GRID2: variants seen among roughly 807,000 people sequenced by gnomAD.
The protein encoded by GRID2 is glutamate ionotropic receptor delta type subunit 2, also known as glutamate receptor ionotropic, delta-2.
Under a neutral mutation model 114.8 loss-of-function variants are expected in GRID2, and 33 were observed. The ratio of observed to expected loss-of-function variants is 0.29; its 90% CI spans 0.22 to 0.38. GRID2 has a LOEUF of 0.38. GRID2 is among the 10% of genes least tolerant of loss of function. The pLI is 1.00. For synonymous variants in GRID2, 505 were observed against 449.9 expected, an observed-to-expected ratio of 1.12 and a Z score of -1.55; for missense variants, 1,184 against 1,257.7, an observed-to-expected ratio of 0.94 and a Z score of 0.89.
chr4:93,283,343 G>A (rs567459422), intron 8 of GRID2, among the ~76,000 whole-genome samples: 1 of 152,044 alleles, frequency 6.6e-6, no homozygotes, highest in Admixed American at 6.6e-5. Context: ...AATGAAACTT[G>A]TTTTCTTTCT....
chr4:92,729,928 A>G (rs1229151822), intron 2 of GRID2, among the ~76,000 whole-genome samples: 1 of 152,040 alleles, frequency 6.6e-6, no homozygotes, highest in Admixed American at 6.6e-5. Flanking sequence ...CAAAGCAAGC[A>G]AAGAGAAAGC....
intron 2 of GRID2, among the ~76,000 whole-genome samples, chr4:92,827,690 T>C (rs1741821135): frequency 6.6e-6 from 1 of 152,004 alleles, no homozygotes; most frequent in South Asian, 2.1e-4. Flanking sequence ...CTTAAGAGGG[T>C]ACAAAGCAGT....
At chr4:93,733,529 A>C (rs1222786518) in intron 14 of GRID2, among the ~76,000 whole-genome samples, 1 of 152,154 alleles carries the variant, frequency 6.6e-6, no homozygotes, top group African/African-American at 2.4e-5. Context: ...GAATGGAAAT[A>C]ATAGGCATTC....
chr4:92,923,977 TAGCAA>T (rs1749592990), intron 2 of GRID2, among the ~76,000 whole-genome samples: 1 of 152,100 alleles, frequency 6.6e-6, no homozygotes, highest in African/African-American at 2.4e-5. Flanking sequence ...CTATTCACAA[TAGCAA>T]AGACTTGGAA....
intron 8 of GRID2, among the ~76,000 whole-genome samples, chr4:93,277,861 A>G (rs926867505): frequency 1.3e-5 from 2 of 151,988 alleles, no homozygotes; most frequent in African/African-American, 4.8e-5. Context: ...GAATGAATGA[A>G]CAGAGGGAAC....
At chr4:93,120,142 T>A (rs909799020) in intron 4 of GRID2, among the ~76,000 whole-genome samples, 6 of 152,176 alleles carry the variant, frequency 3.9e-5, no homozygotes, top group African/African-American at 1.4e-4. Context: ...TTTACACTGT[T>A]TGTGGGAGTG....
At chr4:92,682,682 GCACACACACACACACACACACA>G (rs57217377) in intron 2 of GRID2, among the ~76,000 whole-genome samples, 1 of 142,704 alleles carries the variant, frequency 7.0e-6, no homozygotes, top group Non-Finnish European at 1.5e-5. Flanking sequence ...AAATCGCAGG[GCACACACACACACACACACACA>G]CACACACACA....
intron 13 of GRID2, among the ~76,000 whole-genome samples, chr4:93,583,649 C>T (rs952708092): frequency 2.0e-5 from 3 of 152,060 alleles, no homozygotes; most frequent in Admixed American, 2.0e-4. Context: ...CATTATATAC[C>T]TAGGAAGTGG....
intron 2 of GRID2, among the ~76,000 whole-genome samples, chr4:93,003,269 T>C (rs1721188890): frequency 6.6e-6 from 1 of 151,962 alleles, no homozygotes; most frequent in Non-Finnish European, 1.5e-5. Flanking sequence ...CAGGGCAATT[T>C]TTTGAAAAAT....
chr4:92,425,016 G>A (rs1003397978), intron 1 of GRID2, among the ~76,000 whole-genome samples: 2 of 151,746 alleles, frequency 1.3e-5, no homozygotes, highest in African/African-American at 2.4e-5. Context: ...CATTTTTAAG[G>A]CAGTTAAATT....
chr4:92,942,418 C>G (rs562323934), intron 2 of GRID2, among the ~76,000 whole-genome samples: 1 of 152,072 alleles, frequency 6.6e-6, no homozygotes, highest in Non-Finnish European at 1.5e-5. Flanking sequence ...TTTCCATTTG[C>G]TTGGCAGATC....
chr4:93,499,669 A>G lies in GRID2; in HGVS notation c.1997+8892A>G, dbSNP rs142024036. Among the ~76,000 whole-genome samples, 1,241 of 151,980 alleles carry G rather than the reference A, an allele frequency of 8.2e-3. 25 individuals are homozygous for G. The highest frequency in any genetic ancestry group is 0.029 in the African/African-American group (1,187 of 41,502). On this transcript the variant is annotated intron_variant, in intron 12 of 15. Transcript: ENST00000282020. The stretch of plus-strand genomic sequence containing the variant: ...TCTCTTTGCGATTTTAAGTTCTTCA[A>G]AAGCAAAGACTATGTTATATCCATC...
At chr4:93,060,540 G>A (rs1448529067) in intron 2 of GRID2, among the ~76,000 whole-genome samples, 1 of 152,120 alleles carries the variant, frequency 6.6e-6, no homozygotes, top group Non-Finnish European at 1.5e-5. Flanking sequence ...AAATGGAATA[G>A]CATTTATGTT....
chr4:93,677,141 C>T (rs1006352630), intron 14 of GRID2, among the ~76,000 whole-genome samples: 3 of 152,194 alleles, frequency 2.0e-5, no homozygotes, highest in East Asian at 1.9e-4. Flanking sequence ...GCACCTGGCT[C>T]GGAGGGTCCT....
At chr4:93,324,952 G>A (rs183138744) in intron 8 of GRID2, among the ~76,000 whole-genome samples, 15 of 151,928 alleles carry the variant, frequency 9.9e-5, no homozygotes, top group Middle Eastern at 3.4e-3. Flanking sequence ...TCTTGCTAGC[G>A]GTCTATCAAT....
At chr4:93,238,920 C>G (rs1337628679) in intron 8 of GRID2, among the ~76,000 whole-genome samples, 1 of 151,110 alleles carries the variant, frequency 6.6e-6, no homozygotes, top group Non-Finnish European at 1.5e-5. Context: ...AGTATTTTAC[C>G]TTCTGTATGT....
intron 2 of GRID2, among the ~76,000 whole-genome samples, chr4:92,948,432 T>G (rs1481763640): frequency 6.6e-6 from 1 of 151,878 alleles, no homozygotes; most frequent in Non-Finnish European, 1.5e-5. Context: ...TCTAAAGATA[T>G]GGGGTAAATA....
chr4:92,794,636 G>A (rs199911144), intron 2 of GRID2, among the ~76,000 whole-genome samples: 2 of 151,436 alleles, frequency 1.3e-5, no homozygotes, highest in East Asian at 3.9e-4. Context: ...ACAGACGTTT[G>A]TCCTAGAAGT....
intron 14 of GRID2, among the ~76,000 whole-genome samples, chr4:93,631,845 G>A (rs1720921922): frequency 6.6e-6 from 1 of 152,146 alleles, no homozygotes; most frequent in African/African-American, 2.4e-5. Context: ...GTGTAAAAGT[G>A]TTCCTATTTC....
Sources: allele counts gnomAD v4.1 joint callset (sites outside exome capture counted in the v4.1 genomes callset), GRCh38; gene constraint gnomAD v4.1.1; transcripts MANE v1.5; gene names NCBI Gene and HGNC (gene_info 2026-07-23, HGNC 2026-07-21).